The following ZFYVE26 variants were observed in gnomAD, a reference collection of about 807,000 sequenced individuals.
ZFYVE26 encodes zinc finger FYVE-type containing 26.
In ZFYVE26, 181 loss-of-function variants were observed where a neutral mutation model predicts 276.5. The ratio of observed to expected loss-of-function variants is 0.65; its 90% CI spans 0.58 to 0.74. ZFYVE26 has a LOEUF of 0.74. ZFYVE26 is among the 30% of genes least tolerant of loss of function. The probability of loss-of-function intolerance (pLI) is 0.00; values close to 1 mark genes in which losing one functional copy is unlikely to be tolerated. For synonymous variants in ZFYVE26, 1,129 were observed against 1,203.1 expected, an observed-to-expected ratio of 0.94 and a Z score of 1.27; for missense variants, 2,821 against 3,097.9, an observed-to-expected ratio of 0.91 and a Z score of 2.12.
At chr14:67,802,373 AGAGGTCCACTTG>A in intron 9 of ZFYVE26, 91 bp from the exon 10 acceptor site, 1 of 1,311,098 alleles carries the variant, frequency 7.6e-7, no homozygotes, top group Non-Finnish European at 1.1e-6. Flanking sequence ...TGCCATACTT[AGAGGTCCACTTG>A]TAGGTTCTTA....
In ZFYVE26 at chr14:67,804,170, C is replaced by T. The variant is rs2040132027; in HGVS notation, c.1366G>A (p.Ala456Thr). The T allele has an allele frequency of 1.9e-6, 3 of 1,614,064 alleles. No individual in the cohort carries two copies. The South Asian group carries it at 3.3e-5, about 18-fold the overall frequency. The change falls in exon 9 of 42, where the codon GCC becomes ACC. Residue 456 changes from alanine to threonine, a missense_variant. Ala to Thr is a moderately conservative substitution (Grantham distance 58, BLOSUM62 0). Coordinates refer to ENST00000347230, the MANE Select transcript of ZFYVE26 (RefSeq NM_015346.4). ...TTGAGAACATCTTCCTCCCTGAGGG[C>T]TGGAAGGTTTGTAAGGTGATGGAGA... is the stretch of plus-strand genomic sequence containing the variant. ...YTLHHLTNLP[A>T]LREEDVLKLL...
intron 35 of ZFYVE26, among the ~76,000 whole-genome samples, chr14:67,757,658 C>CTTTCT (rs2038815763): frequency 1.5e-5 from 2 of 137,302 alleles, no homozygotes; most frequent in South Asian, 4.3e-4. Flanking sequence ...TTCTTTCTTT[C>CTTTCT]TTTCTTTCTT....
Position 67,780,226 on chromosome 14 carries a change from C to A in ZFYVE26, c.4674+15G>T. 1 of 1,611,230 alleles carries A rather than the reference C, an allele frequency of 6.2e-7. No homozygotes were observed. The highest frequency in any genetic ancestry group is 8.5e-7 in the Non-Finnish European group (1 of 1,178,124). On this transcript the variant is annotated intron_variant, in intron 23 of 41. Transcript: ENST00000347230. ...AAAGGAGGATGAAGGGGAACACCAC[C>A]CAGGAAAACGGTACCTGTGCTTCTA...
intron 28 of ZFYVE26, 68 bp downstream of exon 28, chr14:67,771,979 C>T: frequency 6.3e-7 from 1 of 1,575,490 alleles, no homozygotes; most frequent in Non-Finnish European, 8.6e-7. Context: ...ATTGTAAACT[C>T]AGGCTCATGA....
downstream of ZFYVE26, among the ~76,000 whole-genome samples, chr14:67,745,409 C>G (rs964921749): frequency 6.6e-6 from 1 of 151,980 alleles, no homozygotes; most frequent in African/African-American, 2.4e-5. Context: ...TCAGTCCATA[C>G]TCTACACATT....
intron 9 of ZFYVE26, among the ~76,000 whole-genome samples, chr14:67,803,070 A>G (rs2040109882): frequency 6.6e-6 from 1 of 152,158 alleles, no homozygotes; most frequent in South Asian, 2.1e-4. Flanking sequence ...ATAGGGTAAA[A>G]CTATATGGGG....
chr14:67,731,738 C>T (rs577504205), intron 13 of ZFYVE26, among the ~76,000 whole-genome samples: 1 of 152,222 alleles, frequency 6.6e-6, no homozygotes, highest in Admixed American at 6.5e-5. Flanking sequence ...TAACCAGCCA[C>T]TGGGCAGTAG....
At chr14:67,810,204 T>G (rs895229322) in intron 3 of ZFYVE26, among the ~76,000 whole-genome samples, 8 of 152,332 alleles carry the variant, frequency 5.3e-5, no homozygotes, top group Non-Finnish European at 7.3e-5. Context: ...TTCATTAACC[T>G]TTTTTGTCAC....
rs1320373839 is a variant in ZFYVE26 at position 67,775,134 on chromosome 14, T to C, written c.5222-20A>G. ...CAGAATCTGTAGAGAGGGAAAATGC[T>C]GACAAAATATGGTTCTACCATAAGT... On this transcript the variant is annotated intron_variant, in intron 26 of 41. Transcript: ENST00000347230. 6.5e-7 allele frequency: 1 copy of C among 1,537,118 alleles called. No individual in the cohort carries two copies. The highest frequency in any genetic ancestry group is 8.9e-7 in the Non-Finnish European group (1 of 1,118,464).
chr14:67,805,001 T>A (rs558995324), intron 8 of ZFYVE26, among the ~76,000 whole-genome samples: 6 of 152,394 alleles, frequency 3.9e-5, no homozygotes, highest in African/African-American at 1.4e-4. Context: ...ACTGTCATCC[T>A]AAAATTATCC....
At position 67,782,924 on chromosome 14, in the gene ZFYVE26, G is replaced by T. The variant is rs1292729275; in HGVS notation, c.4228C>A (p.Leu1410Ile). Residue 1410 changes from leucine to isoleucine, a missense_variant, in exon 21 of 42, where the codon CTA becomes ATA. By Grantham distance (5) the Leu-to-Ile change is conservative. Transcript: ENST00000347230. ...VLLGLHSPIA[L>I]DVLSEAFEES... ...TCAAAAGCCTCACTCAGTACATCTA[G>T]GGCAATGGGAGAATGTAGGCCCAGG... is the stretch of plus-strand genomic sequence containing the variant. The T allele has an allele frequency of 6.2e-7, 1 of 1,614,206 alleles. No individual in the cohort carries two copies. Among genetic ancestry groups the T allele is most frequent in the South Asian group, 1.1e-5 (1 of 91,086 alleles).
chr14:67,742,843 T>C (rs398043688), downstream of ZFYVE26, among the ~76,000 whole-genome samples: 13,017 of 95,952 alleles, frequency 0.14, 596 homozygotes, highest in East Asian at 0.4. Context: ...TTCTTCTTTT[T>C]TTTTTTTTTT....
chr14:67,733,207 C>G (rs1273280591), intron 13 of ZFYVE26, among the ~76,000 whole-genome samples: 1 of 152,138 alleles, frequency 6.6e-6, no homozygotes, highest in Non-Finnish European at 1.5e-5. Context: ...CTCAGGGCCC[C>G]TGCTCATTCC....
At chr14:67,761,062 C>G in intron 35 of ZFYVE26, 1 of 607,202 alleles carries the variant, frequency 1.6e-6, no homozygotes, top group Non-Finnish European at 2.9e-6. Flanking sequence ...AAGACTCACA[C>G]TGAGCATCTC....
rs1237790583 is a variant in ZFYVE26, at chr14:67,807,496, A to G, written c.788T>C (p.Leu263Pro). The G allele has an allele frequency of 6.2e-7, 1 of 1,614,128 alleles. No individual in the cohort carries two copies. Among genetic ancestry groups the G allele is most frequent in the Non-Finnish European group, 8.5e-7 (1 of 1,180,010 alleles). ...PLREERLLSC[L>P]LHKASRGLLS... ...CAGGCCCCGGCTGGCCTTGTGCAGC[A>G]GGCAGCTGAGCAGCCGCTCCTCCCG... Residue 263 changes from leucine to proline, a missense_variant, in exon 5 of 42, where the codon CTG (leucine) becomes CCG (proline). By Grantham distance (98) the Leu-to-Pro change is moderately conservative. Transcript: ENST00000347230.
chr14:67,777,516 T>C, intron 25 of ZFYVE26, 43 bp downstream of exon 25: 1 of 1,595,496 alleles, frequency 6.3e-7, no homozygotes, highest in Non-Finnish European at 8.6e-7. Flanking sequence ...CTCCTTACCT[T>C]GGATCCCACA....
At chr14:67,768,410 T>C in intron 30 of ZFYVE26, 107 bp downstream of exon 30, 2 of 1,266,724 alleles carry the variant, frequency 1.6e-6, no homozygotes, top group Non-Finnish European at 2.3e-6. Context: ...ACAAGTTGGA[T>C]GGAGTGCATA....
In ZFYVE26 at chr14:67,775,913, C is replaced by T. The variant is rs2039328811; in HGVS notation, c.5168G>A (p.Arg1723Lys). 6.2e-7 allele frequency: 1 copy of T among 1,614,128 alleles called. No individual in the cohort carries two copies. The highest frequency in any genetic ancestry group is 8.5e-7 in the Non-Finnish European group (1 of 1,180,046). The change falls in exon 26 of 42, where the codon AGA (arginine) becomes AAA (lysine). Residue 1723 changes from arginine to lysine, a missense_variant. Physicochemically the swap from Arg to Lys is conservative, Grantham distance 26. Transcript: ENST00000347230. Reference sequence around the variant, plus strand: ...AAAGTCCAGGGCTTTCTCTGCGTATCTGGAAAGCAGTGAGTCCACCTCGTC... The same window carrying T: ...AAAGTCCAGGGCTTTCTCTGCGTATTTGGAAAGCAGTGAGTCCACCTCGTC... ...TMDEVDSLLS[R>K]YAEKALDFPY...
Position 67,747,665 on chromosome 14 carries a change from C to T in ZFYVE26, c.*771G>A, listed in dbSNP as rs2038519334. On this transcript the variant is annotated 3_prime_UTR_variant, in exon 42 of 42. Coordinates refer to ENST00000347230, the MANE Select transcript of ZFYVE26 (RefSeq NM_015346.4). ...CGCTCCCCCCACCACCCCCCACCGC[C>T]TCCCCTGTATCCCTGTTTGGATGGT... The T allele has an allele frequency of 6.7e-6, 1 of 150,048 alleles. No individual in the cohort carries two copies. Among genetic ancestry groups the T allele is most frequent in the Non-Finnish European group, 1.5e-5 (1 of 67,320 alleles). 9.3% of individuals were successfully genotyped at this position (150,048 alleles called of 1,614,324 possible).
Sources: allele counts gnomAD v4.1 joint callset (sites outside exome capture counted in the v4.1 genomes callset), GRCh38; gene constraint gnomAD v4.1.1; transcripts MANE v1.5; gene names NCBI Gene and HGNC (gene_info 2026-07-23, HGNC 2026-07-21).